Variants in MYPN observed in about 807,000 individuals in gnomAD.
The protein encoded by MYPN is myopalladin.
A neutral mutation model predicts 129.4 loss-of-function variants in MYPN; 63 were observed. The observed-to-expected ratio is 0.49, with a 90% CI of 0.40 to 0.60. The LOEUF (loss-of-function observed/expected upper bound fraction) is 0.60, where lower values mean the gene tolerates loss of function less well. MYPN is among the 20% of genes least tolerant of loss of function. MYPN has a pLI of 0.00. For synonymous variants in MYPN, 629 were observed against 600.9 expected, an observed-to-expected ratio of 1.05 and a Z score of -0.68; for missense variants, 1,596 against 1,635.4, an observed-to-expected ratio of 0.98 and a Z score of 0.42.
At position 68,188,237 on chromosome 10, in the gene MYPN, G is replaced by A. The variant is rs149049389; in HGVS notation, c.2704-668G>A. Among the ~76,000 whole-genome samples the A allele has an allele frequency of 7.6e-4, 116 of 152,250 alleles. 3 individuals are homozygous for A. The East Asian group carries it at 0.016, about 21-fold the overall frequency. On this transcript the variant is annotated intron_variant, in intron 12 of 19. Transcript: ENST00000358913. The stretch of plus-strand genomic sequence containing the variant: ...CAATTCTCATACCTCAGCCACACCA[G>A]TAGCTGGGATTATAGGTGTGCACCG...
At chr10:68,107,810 C>T (rs1463233112), upstream of MYPN, among the ~76,000 whole-genome samples, 2 of 152,076 alleles carry the variant, frequency 1.3e-5, no homozygotes, top group Non-Finnish European at 2.9e-5. Flanking sequence ...GAATACCAGG[C>T]TTATCATGGC....
chr10:68,131,602 C>G (rs1173801903), intron 2 of MYPN, among the ~76,000 whole-genome samples: 2 of 152,168 alleles, frequency 1.3e-5, no homozygotes, highest in South Asian at 2.1e-4. Flanking sequence ...TAATCTTGAA[C>G]TCCCAGGTTC....
Position 68,210,612 on chromosome 10 carries a change from GCAGTCT to G in MYPN, c.*161_*166del. The G allele has an allele frequency of 2.4e-6, 2 of 822,160 alleles. No individual in the cohort carries two copies. The highest frequency in any genetic ancestry group is 4.1e-6 in the Non-Finnish European group (2 of 487,426). 50.9% of individuals were successfully genotyped at this position (822,160 alleles called of 1,614,324 possible). A position where few individuals can be genotyped will look rare whatever the true frequency, so the allele number is the denominator to read the frequency against. On this transcript the variant is annotated 3_prime_UTR_variant, in exon 20 of 20. Transcript: ENST00000358913. ...TTGAATAAGTCAGCTAGGGATTCTT[GCAGTCT>G]CAGCTGAGGGAGAAAGGTAGGGCTG...
rs1589602611 is a variant in MYPN, at chr10:68,188,900, G to C, written c.2704-5G>C. On this transcript the variant is annotated splice_region_variant and splice_polypyrimidine_tract_variant and intron_variant, in intron 12 of 19. Coordinates refer to ENST00000358913, the MANE Select transcript of MYPN (RefSeq NM_032578.4). ...GAAATTGAAACACGTTTGTCATTTT[G>C]ACAGGAGTACAAAATTTCAAGCTTT... is the stretch of plus-strand genomic sequence containing the variant. The C allele has an allele frequency of 6.2e-7, 1 of 1,612,562 alleles. No individual in the cohort carries two copies. Among genetic ancestry groups the C allele is most frequent in the Non-Finnish European group, 8.5e-7 (1 of 1,179,182 alleles).
chr10:68,118,077 T>C (rs561418602), intron 1 of MYPN, among the ~76,000 whole-genome samples: 1 of 152,268 alleles, frequency 6.6e-6, no homozygotes, highest in East Asian at 1.9e-4. Flanking sequence ...TACCTGAAAG[T>C]TTTGTTGTAA....
At chr10:68,184,395 G>A (rs1286182687) in intron 12 of MYPN, among the ~76,000 whole-genome samples, 2 of 152,072 alleles carry the variant, frequency 1.3e-5, no homozygotes, top group East Asian at 3.9e-4. Flanking sequence ...TAAACACGAG[G>A]AGTCCAGAGT....
chr10:68,185,026 C>T (rs548327260), intron 12 of MYPN, among the ~76,000 whole-genome samples: 9 of 151,886 alleles, frequency 5.9e-5, no homozygotes, highest in Admixed American at 2.0e-4. Flanking sequence ...CTGGGACTTC[C>T]GGCCGGGCGT....
At chr10:68,105,156 C>T (rs1005286645), upstream of MYPN, among the ~76,000 whole-genome samples, 1 of 152,166 alleles carries the variant, frequency 6.6e-6, no homozygotes, top group African/African-American at 2.4e-5. Flanking sequence ...TGAATATTTG[C>T]AGTGGTTATG....
intron 1 of MYPN, among the ~76,000 whole-genome samples, chr10:68,114,849 C>G (rs907580290): frequency 3.9e-5 from 6 of 152,112 alleles, no homozygotes; most frequent in Non-Finnish European, 7.4e-5. Context: ...CAATCTGGTG[C>G]CATTTCATCA....
chr10:68,109,133 A>G (rs2042047051), upstream of MYPN: 4 of 158,658 alleles, frequency 2.5e-5, no homozygotes, highest in African/African-American at 9.6e-5. Context: ...TTGGCTTTTC[A>G]TAGCCAAATG....
At chr10:68,205,668 C>A (rs1048959878) in intron 18 of MYPN, among the ~76,000 whole-genome samples, 1 of 152,102 alleles carries the variant, frequency 6.6e-6, no homozygotes, top group Non-Finnish European at 1.5e-5. Flanking sequence ...GCCTGGGCAA[C>A]AGAGCAAGAC....
chr10:68,126,540 G>A (rs1427092008), intron 2 of MYPN, among the ~76,000 whole-genome samples: 1 of 152,202 alleles, frequency 6.6e-6, no homozygotes, highest in Non-Finnish European at 1.5e-5. Flanking sequence ...CTAGGCATCT[G>A]ATGCTCTGGT....
chr10:68,096,961 G>T (rs796317847), intron 1 of MYPN, among the ~76,000 whole-genome samples: 1 of 152,154 alleles, frequency 6.6e-6, no homozygotes, highest in African/African-American at 2.4e-5. Context: ...GCATAAACTG[G>T]ATATACTGCT....
intron 1 of MYPN, among the ~76,000 whole-genome samples, chr10:68,110,076 T>C (rs532431694): frequency 6.6e-6 from 1 of 152,384 alleles, no homozygotes; most frequent in African/African-American, 2.4e-5. Flanking sequence ...CAGTTTCCTT[T>C]TTAAAGGAAG....
At chr10:68,102,738 A>C (rs960246563), upstream of MYPN, among the ~76,000 whole-genome samples, 1 of 152,074 alleles carries the variant, frequency 6.6e-6, no homozygotes, top group Non-Finnish European at 1.5e-5. Flanking sequence ...GTATTTGATT[A>C]TATTAACTTA....
intron 12 of MYPN, among the ~76,000 whole-genome samples, chr10:68,181,350 G>C (rs2043310139): frequency 6.6e-6 from 1 of 151,968 alleles, no homozygotes; most frequent in South Asian, 2.1e-4. Flanking sequence ...GAATTGCAGT[G>C]GCATGATCTC....
intron 2 of MYPN, among the ~76,000 whole-genome samples, chr10:68,124,587 A>G (rs2042298449): frequency 6.6e-6 from 1 of 152,198 alleles, no homozygotes; most frequent in Non-Finnish European, 1.5e-5. Context: ...TATTATTTCT[A>G]CAGTGGCAGA....
chr10:68,175,563 A>G, intron 12 of MYPN, 102 bp downstream of exon 12: 2 of 1,300,706 alleles, frequency 1.5e-6, no homozygotes, highest in South Asian at 2.4e-5. Flanking sequence ...AGTGAGGCTG[A>G]TGTTGCAGCT....
intron 2 of MYPN, among the ~76,000 whole-genome samples, chr10:68,134,575 T>A (rs752762916): frequency 1.3e-5 from 2 of 152,118 alleles, no homozygotes; most frequent in Non-Finnish European, 2.9e-5. Context: ...GGCGGGTGGA[T>A]CACGAAGTCA....
Sources: allele counts gnomAD v4.1 joint callset (sites outside exome capture counted in the v4.1 genomes callset), GRCh38; gene constraint gnomAD v4.1.1; transcripts MANE v1.5; gene names NCBI Gene and HGNC (gene_info 2026-07-23, HGNC 2026-07-21).